LRRC8A: variants seen among roughly 807,000 people sequenced by gnomAD.
The protein encoded by LRRC8A is volume-regulated anion channel subunit LRRC8A.
Under a neutral mutation model 52.5 loss-of-function variants are expected in LRRC8A, and 24 were observed. The ratio of observed to expected loss-of-function variants is 0.46; its 90% CI spans 0.33 to 0.64. The LOEUF (loss-of-function observed/expected upper bound fraction) is 0.64, where lower values mean the gene tolerates loss of function less well. LRRC8A is among the 30% of genes least tolerant of loss of function. LRRC8A has a pLI of 0.02. For synonymous variants in LRRC8A, 492 were observed against 494.2 expected (o/e 1.00, Z 0.06); for missense variants, 677 against 1,094.7 (o/e 0.62, Z 5.38).
At chr9:128,891,614 C>G (rs1222516690) in intron 2 of LRRC8A, among the ~76,000 whole-genome samples, 1 of 152,178 alleles carries the variant, frequency 6.6e-6, no homozygotes, top group Non-Finnish European at 1.5e-5. Context: ...GGGCCCAGAC[C>G]CAACACTGCC....
Position 128,917,557 on chromosome 9 carries a change from G to T in LRRC8A, c.*1186G>T, listed in dbSNP as rs12001342. 0.013 allele frequency: 1,921 copies of T among 153,014 alleles called. 30 individuals are homozygous for T. The highest frequency in any genetic ancestry group is 0.041 in the African/African-American group (1,723 of 41,590). 9.5% of individuals were successfully genotyped at this position (153,014 alleles called of 1,614,324 possible). On this transcript the variant is annotated 3_prime_UTR_variant, in exon 4 of 4. Coordinates refer to ENST00000372600, the MANE Select transcript of LRRC8A (RefSeq NM_019594.4). ...TTCGCCCAGACTTTGTTTCCCCACC[G>T]CCTGCGGCATGGGTGTGTCCAGTGC... is the stretch of plus-strand genomic sequence containing the variant.
At chr9:128,895,449 A>G (rs1588205661) in intron 2 of LRRC8A, among the ~76,000 whole-genome samples, 1 of 152,362 alleles carries the variant, frequency 6.6e-6, no homozygotes, top group South Asian at 2.1e-4. Flanking sequence ...ATTTGAACCT[A>G]CATGTCCCAA....
intron 1 of LRRC8A, among the ~76,000 whole-genome samples, chr9:128,883,597 T>C (rs916844547): frequency 1.3e-5 from 2 of 152,204 alleles, no homozygotes; most frequent in African/African-American, 4.8e-5. Context: ...GGGTGGCTGG[T>C]CTCTGCTTCC....
intron 3 of LRRC8A, 121 bp from the exon 4 acceptor site, chr9:128,915,975 A>T: frequency 8.0e-7 from 1 of 1,250,108 alleles, no homozygotes; most frequent in Non-Finnish European, 1.1e-6. Flanking sequence ...GATTGTGCTG[A>T]TGCTGGGGGC....
intron 2 of LRRC8A, among the ~76,000 whole-genome samples, chr9:128,890,523 G>C (rs957146401): frequency 6.6e-6 from 1 of 152,180 alleles, no homozygotes; most frequent in Non-Finnish European, 1.5e-5. Flanking sequence ...GACCAGCAGC[G>C]GGGGCGGTGG....
intron 2 of LRRC8A, among the ~76,000 whole-genome samples, chr9:128,888,790 C>G (rs1839494353): frequency 6.6e-6 from 1 of 152,050 alleles, no homozygotes; most frequent in Admixed American, 6.5e-5. Flanking sequence ...TTCCCTCCCC[C>G]ACGTCACTTC....
intron 2 of LRRC8A, among the ~76,000 whole-genome samples, chr9:128,904,806 A>G (rs373330757): frequency 6.6e-6 from 1 of 151,998 alleles, no homozygotes. Context: ...CATCCTGGCT[A>G]ACACGGTGAA....
chr9:128,892,658 G>A lies in LRRC8A; in HGVS notation c.-9+6537G>A, dbSNP rs1487616422. On this transcript the variant is annotated intron_variant, in intron 2 of 3. Transcript: ENST00000372600. The surrounding 1 kb of genome is among the most constrained non-coding windows in gnomAD (Gnocchi z 5.2). ...CCTGGGGAGGGTGGAGGCTGTGTGT[G>A]CCAGACGAGGCTGAGACCTCTCCTC... Among the ~76,000 whole-genome samples the A allele has an allele frequency of 6.6e-6, 1 of 152,200 alleles. No individual in the cohort carries two copies. Among genetic ancestry groups the A allele is most frequent in the Non-Finnish European group, 1.5e-5 (1 of 68,026 alleles).
At chr9:128,906,166 T>A (rs1453361105) in intron 2 of LRRC8A, among the ~76,000 whole-genome samples, 1 of 152,160 alleles carries the variant, frequency 6.6e-6, no homozygotes, top group East Asian at 1.9e-4. Context: ...AGGGTCTCTG[T>A]CACCCAGGCT....
At chr9:128,898,209 T>C (rs914297507) in intron 2 of LRRC8A, among the ~76,000 whole-genome samples, 11 of 152,088 alleles carry the variant, frequency 7.2e-5, no homozygotes, top group Non-Finnish European at 7.4e-5. Flanking sequence ...TATCTGATCA[T>C]TGAGTATGTT....
rs895032030 is a variant in LRRC8A, at chr9:128,905,950, G to A, written c.-8-1207G>A. The stretch of plus-strand genomic sequence containing the variant: ...CTGTTTTTAATTCCTTTATACACAC[G>A]CAACCAGAGATGATTTTACATTAAG... On this transcript the variant is annotated intron_variant, in intron 2 of 3. Coordinates refer to ENST00000372600, the MANE Select transcript of LRRC8A (RefSeq NM_019594.4). Among the ~76,000 whole-genome samples, 5 of 152,228 alleles carry A rather than the reference G, an allele frequency of 3.3e-5. No individual in the cohort carries two copies. The East Asian group carries it at 5.8e-4, about 18-fold the overall frequency.
At chr9:128,910,806 A>G (rs975346715) in intron 3 of LRRC8A, among the ~76,000 whole-genome samples, 19 of 152,288 alleles carry the variant, frequency 1.2e-4, no homozygotes, top group African/African-American at 4.6e-4. Context: ...TCCTGCTTAT[A>G]AAAAGCGTGC....
At position 128,909,691 on chromosome 9, in the gene LRRC8A, G is replaced by A. The variant is rs1328377301; in HGVS notation, c.2157+370G>A. Among the ~76,000 whole-genome samples the A allele has an allele frequency of 3.3e-5, 5 of 152,320 alleles. No homozygotes were observed. In the East Asian group the frequency reaches 5.8e-4, roughly 18 times the overall value. The stretch of plus-strand genomic sequence containing the variant: ...GAGGTCCAAACCCGGGGGTTCTCTC[G>A]CAAAGCCGGGTGGTGGGAGTCAAGA... On this transcript the variant is annotated intron_variant, in intron 3 of 3. Coordinates refer to ENST00000372600, the MANE Select transcript of LRRC8A (RefSeq NM_019594.4).
intron 2 of LRRC8A, among the ~76,000 whole-genome samples, chr9:128,894,539 T>C (rs951251062): frequency 1.3e-5 from 2 of 151,130 alleles, no homozygotes; most frequent in African/African-American, 4.9e-5. Context: ...ACACCTGTAA[T>C]CCCAGCACTT....
chr9:128,890,500 T>C (rs1189517967), intron 2 of LRRC8A, among the ~76,000 whole-genome samples: 1 of 152,136 alleles, frequency 6.6e-6, no homozygotes, highest in Non-Finnish European at 1.5e-5. Flanking sequence ...ACGGGCAGCA[T>C]GACAAACGCA....
chr9:128,884,112 A>T (rs1839291919), intron 1 of LRRC8A, among the ~76,000 whole-genome samples: 1 of 152,072 alleles, frequency 6.6e-6, no homozygotes, highest in African/African-American at 2.4e-5. Flanking sequence ...CTCTTGAATG[A>T]CCTTTCTGGA....
chr9:128,887,647 G>A (rs529689459), intron 2 of LRRC8A, among the ~76,000 whole-genome samples: 5 of 151,484 alleles, frequency 3.3e-5, no homozygotes, highest in South Asian at 2.1e-4. Flanking sequence ...GATATCCCCC[G>A]GACCTCTTTT....
chr9:128,907,079 T>C lies in LRRC8A; in HGVS notation c.-8-78T>C. The C allele has an allele frequency of 8.4e-7, 1 of 1,187,274 alleles. No homozygotes were observed. Among genetic ancestry groups the C allele is most frequent in the Admixed American group, 2.2e-5 (1 of 45,048 alleles). The allele number at this position is 1,187,274 out of a possible 1,614,324, so 73.5% of individuals were successfully genotyped here. A position where few individuals can be genotyped will look rare whatever the true frequency, so the allele number is the denominator to read the frequency against. ...TTTTGGACAATGGAAGAATTTTCAT[T>C]GTCTTCTTCCCCTGACCCCTGGTCC... is the stretch of plus-strand genomic sequence containing the variant. On this transcript the variant is annotated intron_variant, in intron 2 of 3. Coordinates refer to ENST00000372600, the MANE Select transcript of LRRC8A (RefSeq NM_019594.4). The surrounding 1 kb of genome is among the most constrained non-coding windows in gnomAD (Gnocchi z 9.3).
intron 1 of LRRC8A, among the ~76,000 whole-genome samples, chr9:128,883,753 T>G (rs1839253438): frequency 6.6e-6 from 1 of 152,088 alleles, no homozygotes. Context: ...AGCGGGCAGA[T>G]CACGAGGTCA....
Sources: allele counts gnomAD v4.1 joint callset (sites outside exome capture counted in the v4.1 genomes callset), GRCh38; gene constraint gnomAD v4.1.1; non-coding constraint Gnocchi (gnomAD v3.1); transcripts MANE v1.5; gene names NCBI Gene and HGNC (gene_info 2026-07-23, HGNC 2026-07-21).